Variants in KCNK2 observed in about 807,000 individuals in gnomAD.
KCNK2 encodes potassium two pore domain channel subfamily K member 2, also known as potassium channel subfamily K member 2.
A neutral mutation model predicts 40.5 loss-of-function variants in KCNK2; 21 were observed. The ratio of observed to expected loss-of-function variants is 0.52; its 90% CI spans 0.37 to 0.75. KCNK2 has a LOEUF of 0.75. KCNK2 is among the 30% of genes least tolerant of loss of function. KCNK2 has a pLI of 0.00. For missense variants in KCNK2, 399 were observed against 531.6 expected, an observed-to-expected ratio of 0.75 and a Z score of 2.45; for synonymous variants, 191 against 202.2, an observed-to-expected ratio of 0.94 and a Z score of 0.47.
chr1:215,046,516 G>T (rs2102496398), intron 1 of KCNK2, among the ~76,000 whole-genome samples: 1 of 152,104 alleles, frequency 6.6e-6, no homozygotes, highest in East Asian at 1.9e-4. Flanking sequence ...TTTCAACTTT[G>T]AAAGCTCACA....
At chr1:215,183,559 G>A (rs774832629) in intron 5 of KCNK2, among the ~76,000 whole-genome samples, 17 of 151,778 alleles carry the variant, frequency 1.1e-4, no homozygotes, top group Admixed American at 9.2e-4. Context: ...TCTCTTTTTC[G>A]CAATTATATT....
chr1:215,066,838 C>T (rs1194249500), intron 1 of KCNK2, among the ~76,000 whole-genome samples: 5 of 152,106 alleles, frequency 3.3e-5, no homozygotes, highest in African/African-American at 7.2e-5. Flanking sequence ...ATGTATCATT[C>T]AGAAAAAGCT....
At chr1:215,008,109 C>T (rs1340059489) in intron 1 of KCNK2, among the ~76,000 whole-genome samples, 1 of 150,610 alleles carries the variant, frequency 6.6e-6, no homozygotes, top group Non-Finnish European at 1.5e-5. Flanking sequence ...TACAGAAGTC[C>T]TAAGTCTTTT....
At chr1:215,026,122 AT>A (rs899401869) in intron 1 of KCNK2, among the ~76,000 whole-genome samples, 4 of 151,924 alleles carry the variant, frequency 2.6e-5, no homozygotes, top group Non-Finnish European at 4.4e-5. Context: ...ATATACACAT[AT>A]TTTTTGGCCA....
chr1:215,191,277 G>A (rs1465509287), intron 5 of KCNK2, among the ~76,000 whole-genome samples: 1 of 101,402 alleles, frequency 9.9e-6, no homozygotes, highest in Admixed American at 1.2e-4. Flanking sequence ...GAGTGAGGCT[G>A]CATCTCAAAA....
intron 1 of KCNK2, among the ~76,000 whole-genome samples, chr1:215,061,896 T>C (rs1322290669): frequency 6.6e-6 from 1 of 152,056 alleles, no homozygotes; most frequent in African/African-American, 2.4e-5. Flanking sequence ...GTAGGAGGAA[T>C]AAAGAAGGAA....
chr1:215,067,727 G>A (rs890757682), intron 1 of KCNK2, among the ~76,000 whole-genome samples: 21 of 152,154 alleles, frequency 1.4e-4, no homozygotes, highest in African/African-American at 2.6e-4. Flanking sequence ...CTAGCTAGAC[G>A]TGGTGGTGGG....
At chr1:215,052,161 A>G (rs1309191917) in intron 1 of KCNK2, among the ~76,000 whole-genome samples, 1 of 152,178 alleles carries the variant, frequency 6.6e-6, no homozygotes, top group Non-Finnish European at 1.5e-5. Context: ...GAGATGATGA[A>G]TGTAAACACA....
Position 215,007,049 on chromosome 1 carries a change from G to A in KCNK2, c.34+1094G>A, listed in dbSNP as rs190866885. 5.7e-3 allele frequency among the ~76,000 whole-genome samples: 590 copies of A among 103,016 alleles called. 11 individuals carry two copies. The highest frequency in any genetic ancestry group is 0.023 in the African/African-American group (547 of 23,338). The allele number at this position is 103,016 out of a possible 152,430, so 67.6% of individuals were successfully genotyped here. ...TATATATATATATATGTGTGTGTGT[G>A]TATATATATATGTGTGTGTGTGTAT... On this transcript the variant is annotated intron_variant, in intron 1 of 6. Transcript: ENST00000391895.
chr1:215,096,903 C>T (rs1413464795), intron 2 of KCNK2, among the ~76,000 whole-genome samples: 3 of 151,794 alleles, frequency 2.0e-5, no homozygotes, highest in Admixed American at 6.6e-5. Flanking sequence ...TTTCTTCTCT[C>T]GACCCTTCTA....
chr1:215,226,772 G>T (rs1016917425), intron 6 of KCNK2, among the ~76,000 whole-genome samples: 2 of 151,518 alleles, frequency 1.3e-5, no homozygotes, highest in African/African-American at 4.9e-5. Flanking sequence ...AAGAAAGAAA[G>T]AAAATCTGAT....
chr1:215,067,628 C>G (rs975335501), intron 1 of KCNK2, among the ~76,000 whole-genome samples: 1 of 152,090 alleles, frequency 6.6e-6, no homozygotes, highest in African/African-American at 2.4e-5. Flanking sequence ...ACTTGGAAGG[C>G]TGAGGCAGGT....
chr1:215,209,995 A>ATT (rs1558141488), intron 6 of KCNK2, among the ~76,000 whole-genome samples: 10 of 3,358 alleles, frequency 3.0e-3, no homozygotes, highest in Non-Finnish European at 0.017. Context: ...TATAATATAT[A>ATT]ATATATATTA....
intron 3 of KCNK2, among the ~76,000 whole-genome samples, chr1:215,155,901 T>C (rs1662898138): frequency 6.6e-6 from 1 of 152,196 alleles, no homozygotes; most frequent in Non-Finnish European, 1.5e-5. Flanking sequence ...CTCTCTAAAG[T>C]ATCTTGAGGT....
At chr1:215,193,034 T>C (rs1476885146) in intron 5 of KCNK2, among the ~76,000 whole-genome samples, 7 of 152,128 alleles carry the variant, frequency 4.6e-5, no homozygotes, top group African/African-American at 1.7e-4. Context: ...ATACTTGCAA[T>C]GCATACTTGA....
chr1:215,043,850 T>G (rs1341786797), intron 1 of KCNK2, among the ~76,000 whole-genome samples: 1 of 152,132 alleles, frequency 6.6e-6, no homozygotes, highest in African/African-American at 2.4e-5. Context: ...CTTGGGGTAG[T>G]AAACAAAAAG....
At chr1:215,030,665 G>A (rs1657156015) in intron 1 of KCNK2, among the ~76,000 whole-genome samples, 1 of 151,468 alleles carries the variant, frequency 6.6e-6, no homozygotes, top group Non-Finnish European at 1.5e-5. Context: ...CTCCCGAGTA[G>A]CTGGGACTAC....
intron 2 of KCNK2, among the ~76,000 whole-genome samples, chr1:215,120,573 G>A (rs879493139): frequency 1.9e-4 from 29 of 152,050 alleles, no homozygotes; most frequent in Non-Finnish European, 3.8e-4. Flanking sequence ...AAACCTAGAT[G>A]ACCCTGTACC....
At chr1:215,150,311 T>C (rs1003719079) in intron 3 of KCNK2, among the ~76,000 whole-genome samples, 1 of 152,214 alleles carries the variant, frequency 6.6e-6, no homozygotes, top group Non-Finnish European at 1.5e-5. Flanking sequence ...GTTAACTTAT[T>C]TGTATTCTAT....
Sources: allele counts gnomAD v4.1 joint callset (sites outside exome capture counted in the v4.1 genomes callset), GRCh38; gene constraint gnomAD v4.1.1; transcripts MANE v1.5; gene names NCBI Gene and HGNC (gene_info 2026-07-23, HGNC 2026-07-21).